Variants in KALRN observed in about 807,000 individuals in gnomAD.
KALRN encodes kalirin.
Under a neutral mutation model 353.7 loss-of-function variants are expected in KALRN, and 70 were observed. The observed-to-expected ratio is 0.20, with a 90% CI of 0.16 to 0.24. KALRN has a LOEUF of 0.24. Ranked by LOEUF, KALRN falls within the 10% of genes least tolerant of loss-of-function variation. KALRN has a pLI of 1.00. For synonymous variants in KALRN, 1,391 were observed against 1,434.8 expected, an observed-to-expected ratio of 0.97 and a Z score of 0.69; for missense variants, 2,791 against 3,756.7, an observed-to-expected ratio of 0.74 and a Z score of 6.72.
chr3:124,097,299 T>C (rs1486552175), intron 1 of KALRN, among the ~76,000 whole-genome samples: 1 of 152,264 alleles, frequency 6.6e-6, no homozygotes, highest in Non-Finnish European at 1.5e-5. Context: ...AGTAAATGAA[T>C]GAAAGATGAA....
intron 33 of KALRN, among the ~76,000 whole-genome samples, chr3:124,522,293 G>A (rs12152267): frequency 0.25 from 38,292 of 151,412 alleles, 4,902 homozygotes; most frequent in East Asian, 0.31. Context: ...ATATACATAT[G>A]TACATATACA....
intron 34 of KALRN, among the ~76,000 whole-genome samples, chr3:124,611,176 A>C (rs2077917651): frequency 6.6e-6 from 1 of 152,220 alleles, no homozygotes; most frequent in African/African-American, 2.4e-5. Context: ...GCAGCCTTTT[A>C]GTAATGACCT....
chr3:124,584,356 T>C lies in KALRN; in HGVS notation c.5182+21267T>C, dbSNP rs80134422. Among the ~76,000 whole-genome samples, 1,199 of 152,274 alleles carry C rather than the reference T, an allele frequency of 7.9e-3. 15 individuals carry two copies. Among genetic ancestry groups the C allele is most frequent in the African/African-American group, 0.026 (1,065 of 41,550 alleles). On this transcript the variant is annotated intron_variant, in intron 34 of 59. Transcript: ENST00000682506. ...GGAAGAAAAGGGCATCCTTGAGTCT[T>C]GGAGCATCTAAGTCTGCCCCTCTCT...
intron 1 of KALRN, among the ~76,000 whole-genome samples, chr3:124,069,363 AGG>A (rs1491393404): frequency 4.4e-4 from 15 of 34,378 alleles, no homozygotes; most frequent in East Asian, 1.6e-3. Flanking sequence ...GAGGAGGAGG[AGG>A]AGGAGGAAAT....
intron 1 of KALRN, chr3:124,152,119 A>G: frequency 1.6e-6 from 2 of 1,279,120 alleles, no homozygotes; most frequent in South Asian, 1.2e-5. Context: ...TTCCAACATT[A>G]TAGATCTCAT....
At chr3:124,204,162 A>T (rs1043755369) in intron 1 of KALRN, among the ~76,000 whole-genome samples, 3 of 152,140 alleles carry the variant, frequency 2.0e-5, no homozygotes, top group African/African-American at 2.4e-5. Context: ...AACCTTACAT[A>T]GGTTTCTTCA....
At chr3:124,159,975 C>T (rs753521310) in intron 1 of KALRN, among the ~76,000 whole-genome samples, 15 of 151,570 alleles carry the variant, frequency 9.9e-5, no homozygotes, top group Admixed American at 2.0e-4. Context: ...AAAACGAAAA[C>T]GAAACCCAAA....
At chr3:124,224,648 G>C (rs1046310971) in intron 1 of KALRN, among the ~76,000 whole-genome samples, 2 of 152,150 alleles carry the variant, frequency 1.3e-5, no homozygotes, top group African/African-American at 4.8e-5. Context: ...CTGCAAAATG[G>C]GGTGATCTGC....
chr3:124,701,147 C>T (rs905544544), intron 56 of KALRN, among the ~76,000 whole-genome samples: 24 of 152,190 alleles, frequency 1.6e-4, no homozygotes, highest in African/African-American at 5.6e-4. Context: ...ATTTGTGAAC[C>T]TTGGTCCCCA....
chr3:124,256,917 C>T lies in KALRN; in HGVS notation c.264-7581C>T, dbSNP rs142611087. 4.9e-4 allele frequency among the ~76,000 whole-genome samples: 74 copies of T among 152,308 alleles called. No individual in the cohort carries two copies. The East Asian group carries it at 0.011, about 23-fold the overall frequency. On this transcript the variant is annotated intron_variant, in intron 3 of 59. Transcript: ENST00000682506. Reference sequence around the variant, plus strand: ...AGGTGTCTGAGCACATGCAGCAATACTGGGGAGGGAAACTGCCAAGCTCTT... The same window carrying T: ...AGGTGTCTGAGCACATGCAGCAATATTGGGGAGGGAAACTGCCAAGCTCTT...
At chr3:124,538,278 A>G (rs866769000) in intron 33 of KALRN, among the ~76,000 whole-genome samples, 4 of 99,898 alleles carry the variant, frequency 4.0e-5, no homozygotes, top group East Asian at 2.6e-4. Context: ...GTGTGTGTGT[A>G]TGTATGTGTG....
At position 124,539,769 on chromosome 3, in the gene KALRN, G is replaced by GT. The variant is rs201157170; in HGVS notation, c.4936-23065dup. ...TTTGACTTTATTTGTATCATTTTGTGTTTTTTTTTGAGATAGGTCTCATTC... is the reference window on the plus strand; with the variant it reads ...TTTGACTTTATTTGTATCATTTTGTGTTTTTTTTTTGAGATAGGTCTCATTC... On this transcript the variant is annotated intron_variant, in intron 33 of 59. Coordinates refer to ENST00000682506, the MANE Select transcript of KALRN (RefSeq NM_001388419.1). Among the ~76,000 whole-genome samples, 1,019 of 151,146 alleles carry GT rather than the reference G, an allele frequency of 6.7e-3. 6 individuals carry two copies. The highest frequency in any genetic ancestry group is 0.011 in the Non-Finnish European group (733 of 67,720).
chr3:124,234,287 C>G (rs2079505250), intron 2 of KALRN, among the ~76,000 whole-genome samples: 1 of 152,120 alleles, frequency 6.6e-6, no homozygotes, highest in Non-Finnish European at 1.5e-5. Context: ...GTAAAAAATA[C>G]TTAATGTTTT....
At chr3:124,446,731 T>G in intron 20 of KALRN, 32 bp from the exon 21 acceptor site, 1 of 1,613,248 alleles carries the variant, frequency 6.2e-7, no homozygotes, top group Non-Finnish European at 8.5e-7. Flanking sequence ...AGCTGCCTTT[T>G]TGGGGACTGG....
chr3:124,395,602 A>G (rs2090062520), intron 12 of KALRN: 1 of 452,716 alleles, frequency 2.2e-6, no homozygotes, highest in African/African-American at 2.0e-5. Context: ...CATAAATACA[A>G]CAAAAATTAA....
At chr3:124,714,315 A>G (rs2063030058) in intron 58 of KALRN, among the ~76,000 whole-genome samples, 1 of 152,160 alleles carries the variant, frequency 6.6e-6, no homozygotes, top group South Asian at 2.1e-4. Context: ...TTCCAGTGAA[A>G]GGTATTGTCA....
At chr3:124,360,983 CAAG>C (rs2083975302) in intron 10 of KALRN, among the ~76,000 whole-genome samples, 1 of 152,186 alleles carries the variant, frequency 6.6e-6, no homozygotes, top group African/African-American at 2.4e-5. Flanking sequence ...GACAAACATA[CAAG>C]AATAACTGAT....
intron 51 of KALRN, among the ~76,000 whole-genome samples, chr3:124,682,656 G>GCTGCTT (rs1394238143): frequency 6.6e-6 from 1 of 152,140 alleles, no homozygotes; most frequent in African/African-American, 2.4e-5. Flanking sequence ...TTACACACTG[G>GCTGCTT]CTGCTTGCTA....
intron 1 of KALRN, among the ~76,000 whole-genome samples, chr3:124,134,484 A>C (rs565289494): frequency 6.6e-6 from 1 of 152,340 alleles, no homozygotes; most frequent in Non-Finnish European, 1.5e-5. Flanking sequence ...TCATAGCCGA[A>C]AACCCAAAAG....
Sources: allele counts gnomAD v4.1 joint callset (sites outside exome capture counted in the v4.1 genomes callset), GRCh38; gene constraint gnomAD v4.1.1; transcripts MANE v1.5; gene names NCBI Gene and HGNC (gene_info 2026-07-23, HGNC 2026-07-21).